The following SCAPER variants were observed in gnomAD, a reference collection of about 807,000 sequenced individuals.
SCAPER encodes the protein S-phase cyclin A associated protein in the ER.
In SCAPER, 98 loss-of-function variants were observed where a neutral mutation model predicts 182.2. The observed-to-expected ratio is 0.54, with a 90% confidence interval of 0.46 to 0.64. SCAPER has a LOEUF of 0.64. SCAPER is among the 30% of genes least tolerant of loss of function. The probability of loss-of-function intolerance (pLI) is 0.00; values close to 1 mark genes in which losing one functional copy is unlikely to be tolerated. For missense variants in SCAPER, 1,432 were observed against 1,690.0 expected, an observed-to-expected ratio of 0.85 and a Z score of 2.68; for synonymous variants, 605 against 564.6, an observed-to-expected ratio of 1.07 and a Z score of -1.01.
chr15:76,526,679 GA>G (rs1425457331), intron 23 of SCAPER, among the ~76,000 whole-genome samples: 2 of 151,716 alleles, frequency 1.3e-5, no homozygotes, highest in Non-Finnish European at 2.9e-5. Context: ...TTCCAGTCTA[GA>G]TTTTTTTTCC....
chr15:76,691,593 TA>T (rs992612827), intron 20 of SCAPER, among the ~76,000 whole-genome samples: 2 of 152,134 alleles, frequency 1.3e-5, no homozygotes, highest in African/African-American at 4.8e-5. Context: ...ATCTAATCAA[TA>T]AATTCTTGGA....
intron 5 of SCAPER, among the ~76,000 whole-genome samples, chr15:76,831,062 T>C (rs1309512625): frequency 6.6e-6 from 1 of 152,098 alleles, no homozygotes; most frequent in African/African-American, 2.4e-5. Context: ...CAGGGAGAAC[T>C]GCCTGGGGAG....
chr15:76,434,963 A>T (rs945663946), intron 25 of SCAPER, among the ~76,000 whole-genome samples: 4 of 152,240 alleles, frequency 2.6e-5, no homozygotes, highest in South Asian at 4.1e-4. Flanking sequence ...TCAACTAAGA[A>T]GATGAATGGG....
intron 21 of SCAPER, among the ~76,000 whole-genome samples, chr15:76,652,371 C>CACACACATATATATAT (rs764864981): frequency 6.6e-3 from 53 of 8,028 alleles, no homozygotes; most frequent in Non-Finnish European, 8.6e-3. Flanking sequence ...CACACACACA[C>CACACACATATATATAT]ATATATATAT....
At chr15:76,722,678 T>A (rs571146598) in intron 17 of SCAPER, among the ~76,000 whole-genome samples, 1 of 152,318 alleles carries the variant, frequency 6.6e-6, no homozygotes, top group Admixed American at 6.5e-5. Flanking sequence ...GTCAAGGAAT[T>A]TATCCATTTC....
rs747096625 is a variant in SCAPER at position 76,497,989 on chromosome 15, CAAAAAAAAAAAAA to C, written c.2954+6857_2954+6869del. Among the ~76,000 whole-genome samples, 205 of 58,338 alleles carry C rather than the reference CAAAAAAAAAAAAA, an allele frequency of 3.5e-3. 1 individual carries two copies. The highest frequency in any genetic ancestry group is 0.01 in the African/African-American group (160 of 15,798). 38.3% of individuals were successfully genotyped at this position (58,338 alleles called of 152,430 possible). Reference sequence around the variant, plus strand: ...CTGGTGATGGAGCGAGACTCCGTCTCAAAAAAAAAAAAAAAAAAAAAAAAAAAAAAATAAGCAC... The same window carrying C: ...CTGGTGATGGAGCGAGACTCCGTCTCAAAAAAAAAAAAAAAAAATAAGCAC... On this transcript the variant is annotated intron_variant, in intron 24 of 31. Coordinates refer to ENST00000563290, the MANE Select transcript of SCAPER (RefSeq NM_020843.4).
intron 1 of SCAPER, among the ~76,000 whole-genome samples, chr15:76,884,222 T>A (rs2073727624): frequency 6.6e-6 from 1 of 152,242 alleles, no homozygotes; most frequent in Admixed American, 6.5e-5. Context: ...AAAAATTTTG[T>A]AAAGTAACAG....
At chr15:76,442,896 T>A (rs1299844465) in intron 25 of SCAPER, among the ~76,000 whole-genome samples, 1 of 152,138 alleles carries the variant, frequency 6.6e-6, no homozygotes, top group Admixed American at 6.5e-5. Flanking sequence ...TTTATGAGTA[T>A]GAAGTTATTC....
At chr15:76,563,445 T>C (rs1216868747) in intron 23 of SCAPER, among the ~76,000 whole-genome samples, 1 of 152,114 alleles carries the variant, frequency 6.6e-6, no homozygotes, top group Admixed American at 6.6e-5. Context: ...CCTGGACACA[T>C]ACACCCTCCC....
chr15:76,376,450 CTTTAGTTTAGGGGTTCTTGTTCTAA>C lies in SCAPER; in HGVS notation c.3706-164_3706-140del. 1.1e-5 allele frequency: 10 copies of C among 938,358 alleles called. No individual in the cohort carries two copies. The South Asian group carries it at 2.0e-4, about 19-fold the overall frequency. 58.1% of individuals were successfully genotyped at this position (938,358 alleles called of 1,614,324 possible). A position where few individuals can be genotyped will look rare whatever the true frequency, so the allele number is the denominator to read the frequency against. ...CATTTCTACAGTACTATGCTTAATGCTTTAGTTTAGGGGTTCTTGTTCTAATAAATGTCCCATAATAAATGCAATG... is the reference window on the plus strand; with the variant it reads ...CATTTCTACAGTACTATGCTTAATGCTAAATGTCCCATAATAAATGCAATG... On this transcript the variant is annotated intron_variant, in intron 28 of 31. Coordinates refer to ENST00000563290, the MANE Select transcript of SCAPER (RefSeq NM_020843.4).
chr15:76,805,438 C>CT (rs1326089439), intron 5 of SCAPER, among the ~76,000 whole-genome samples: 11 of 151,978 alleles, frequency 7.2e-5, no homozygotes, highest in African/African-American at 2.7e-4. Flanking sequence ...TGCTTTCTGA[C>CT]TTTTTTATCC....
intron 17 of SCAPER, among the ~76,000 whole-genome samples, chr15:76,722,582 T>C (rs1336722113): frequency 6.6e-6 from 1 of 152,230 alleles, no homozygotes; most frequent in Non-Finnish European, 1.5e-5. Context: ...TGGTAAGCTA[T>C]TAATTATTGC....
intron 21 of SCAPER, among the ~76,000 whole-genome samples, chr15:76,642,207 C>A (rs1354945103): frequency 6.6e-6 from 1 of 152,162 alleles, no homozygotes; most frequent in Non-Finnish European, 1.5e-5. Context: ...GACAATTATA[C>A]TTGATACCTT....
At chr15:76,745,277 T>TAAAAAATA (rs1395374393) in intron 15 of SCAPER, among the ~76,000 whole-genome samples, 2 of 151,924 alleles carry the variant, frequency 1.3e-5, no homozygotes, top group South Asian at 2.1e-4. Flanking sequence ...TCGTCTCTAC[T>TAAAAAATA]AAAAAATAAA....
Position 76,765,609 on chromosome 15 carries a change from G to C in SCAPER, c.1449C>G (p.Phe483Leu), listed in dbSNP as rs1441467228. Residue 483 changes from phenylalanine (F) to leucine (L), a missense_variant, in exon 12 of 32, where the codon TTC (phenylalanine) becomes TTG (leucine). Physicochemically the swap from Phe to Leu is conservative, Grantham distance 22 (BLOSUM62 0). Around this residue, in one of 5 missense-constraint regions of SCAPER, gnomAD observed 128 missense variants for 149.9 expected, o/e 0.85. Coordinates refer to ENST00000563290, the MANE Select transcript of SCAPER (RefSeq NM_020843.4). ...SASMGSGSVS[F>L]CGMSMDWNDV... ...CGTTCCAGTCCATGGACATACCACA[G>C]AAAGAAACACTCCCACTGCCCATGC... The C allele has an allele frequency of 3.2e-6, 5 of 1,586,236 alleles. No homozygotes were observed. In the Admixed American group the frequency reaches 9.0e-5, roughly 28 times the overall value.
chr15:76,753,053 C>T (rs570577231), intron 15 of SCAPER, among the ~76,000 whole-genome samples: 1 of 151,726 alleles, frequency 6.6e-6, no homozygotes, highest in South Asian at 2.1e-4. Context: ...GTATGGAAAA[C>T]CATGTGTAAA....
intron 20 of SCAPER, among the ~76,000 whole-genome samples, chr15:76,700,587 C>T (rs2058887823): frequency 6.6e-6 from 1 of 152,180 alleles, no homozygotes; most frequent in South Asian, 2.1e-4. Context: ...GGAAGATCTG[C>T]TCAGAGTGTG....
At chr15:76,866,614 T>C (rs900066513) in intron 2 of SCAPER, among the ~76,000 whole-genome samples, 3 of 152,192 alleles carry the variant, frequency 2.0e-5, no homozygotes, top group African/African-American at 7.2e-5. Context: ...GAAAATCATT[T>C]TTCATTTTAA....
chr15:76,405,109 CTTTTT>C (rs35039615), intron 26 of SCAPER, among the ~76,000 whole-genome samples: 2 of 112,416 alleles, frequency 1.8e-5, no homozygotes, highest in African/African-American at 6.9e-5. Flanking sequence ...ACAACTTACA[CTTTTT>C]TTTTTTTTTT....
Sources: allele counts gnomAD v4.1 joint callset (sites outside exome capture counted in the v4.1 genomes callset), GRCh38; gene constraint gnomAD v4.1.1; regional missense constraint gnomAD v4.1.1; transcripts MANE v1.5; gene names NCBI Gene and HGNC (gene_info 2026-07-23, HGNC 2026-07-21).